Variants in HDAC9 observed in about 807,000 individuals in gnomAD.
HDAC9 encodes the protein MEF-2 interacting transcription repressor (MITR) protein.
HDAC9 carries 41 observed loss-of-function variants against 139.4 expected under a neutral mutation model. The ratio of observed to expected loss-of-function variants is 0.29; its 90% CI spans 0.23 to 0.38. The LOEUF is 0.38. Ranked by LOEUF, HDAC9 falls within the 10% of genes least tolerant of loss-of-function variation. The pLI, the probability that HDAC9 is intolerant of heterozygous loss-of-function variation, is 1.00. For synonymous variants in HDAC9, 517 were observed against 476.2 expected (o/e 1.09, Z -1.12); for missense variants, 1,147 against 1,297.0 (o/e 0.88, Z 1.78).
At chr7:18,323,582 G>A (rs1447571288) in intron 1 of HDAC9, among the ~76,000 whole-genome samples, 1 of 152,178 alleles carries the variant, frequency 6.6e-6, no homozygotes, top group East Asian at 1.9e-4. Context: ...ATCCCTGGAA[G>A]TGGAGCCTAG....
intron 1 of HDAC9, among the ~76,000 whole-genome samples, chr7:18,386,764 G>C (rs971552294): frequency 6.6e-6 from 1 of 152,158 alleles, no homozygotes; most frequent in African/African-American, 2.4e-5. Context: ...CTCGTATTCA[G>C]TCCTCAGAGA....
chr7:18,775,455 A>G (rs769554059), intron 16 of HDAC9, among the ~76,000 whole-genome samples: 18 of 152,084 alleles, frequency 1.2e-4, no homozygotes, highest in Non-Finnish European at 2.4e-4. Context: ...GCACTTCTCA[A>G]AATGACTTGT....
intron 1 of HDAC9, among the ~76,000 whole-genome samples, chr7:18,129,809 A>T (rs1003300526): frequency 2.6e-5 from 4 of 152,184 alleles, no homozygotes; most frequent in African/African-American, 9.6e-5. Context: ...ATGGAGGAGA[A>T]GGCAATAAAA....
intron 1 of HDAC9, among the ~76,000 whole-genome samples, chr7:18,105,854 C>G (rs1783163885): frequency 6.6e-6 from 1 of 152,098 alleles, no homozygotes; most frequent in African/African-American, 2.4e-5. Context: ...AATAGATAAA[C>G]AAAATGTGGT....
At chr7:18,671,470 G>C (rs1795673382) in intron 12 of HDAC9, among the ~76,000 whole-genome samples, 1 of 151,968 alleles carries the variant, frequency 6.6e-6, no homozygotes, top group African/African-American at 2.4e-5. Context: ...ATTTTTAATA[G>C]CTTTTACCTA....
At chr7:18,222,655 C>T (rs1020007370) in intron 2 of HDAC9, among the ~76,000 whole-genome samples, 12 of 152,078 alleles carry the variant, frequency 7.9e-5, no homozygotes, top group African/African-American at 2.7e-4. Flanking sequence ...ATGTAAACCT[C>T]TATTGCTGTC....
rs74504531 is a variant in HDAC9, at chr7:18,366,288, A to G, written c.-42+75773A>G. 0.013 allele frequency among the ~76,000 whole-genome samples: 2,040 copies of G among 152,230 alleles called. 113 individuals carry two copies. In the East Asian group the frequency reaches 0.18, roughly 13 times the overall value. ...CATGGAAGTGGAGGTTCTGTCACAA[A>G]CAGGGTCAGTTATTACTTGGCAGTA... On this transcript the variant is annotated intron_variant, in intron 1 of 3. Transcript: ENST00000413509.
chr7:18,907,772 G>A (rs973458149), intron 22 of HDAC9, among the ~76,000 whole-genome samples: 6 of 152,168 alleles, frequency 3.9e-5, no homozygotes, highest in Non-Finnish European at 7.4e-5. Context: ...CTTTACTTTT[G>A]TTAGGGTAGT....
chr7:18,838,435 G>T lies in HDAC9; in HGVS notation c.2684+2438G>T, dbSNP rs117571425. Among the ~76,000 whole-genome samples the T allele has an allele frequency of 9.8e-3, 1,488 of 152,114 alleles. 13 individuals are homozygous for T. The highest frequency in any genetic ancestry group is 0.015 in the Non-Finnish European group (1,044 of 67,948). ...AGTCGGGGGTATTCATACTGACTGG[G>T]CAGAGAGAGTGAACTGTGAAATGCA... On this transcript the variant is annotated intron_variant, in intron 21 of 25. Coordinates refer to ENST00000686413, the MANE Select transcript of HDAC9 (RefSeq NM_178425.4).
At chr7:18,193,611 A>C (rs1790516442) in intron 2 of HDAC9, among the ~76,000 whole-genome samples, 1 of 152,222 alleles carries the variant, frequency 6.6e-6, no homozygotes, top group African/African-American at 2.4e-5. Flanking sequence ...CCTTTCACTC[A>C]TTAGGAAGTC....
intron 12 of HDAC9, among the ~76,000 whole-genome samples, chr7:18,690,809 C>CT (rs1782620975): frequency 6.6e-6 from 1 of 151,764 alleles, no homozygotes; most frequent in Admixed American, 6.6e-5. Flanking sequence ...GGCATTATGC[C>CT]TTTTTTCTGT....
intron 2 of HDAC9, among the ~76,000 whole-genome samples, chr7:18,177,632 C>T (rs1380683979): frequency 6.6e-6 from 1 of 152,164 alleles, no homozygotes; most frequent in African/African-American, 2.4e-5. Context: ...CTGGGTGACG[C>T]TGACATTTGT....
At chr7:18,688,814 C>T (rs1243794967) in intron 12 of HDAC9, among the ~76,000 whole-genome samples, 1 of 151,804 alleles carries the variant, frequency 6.6e-6, no homozygotes, top group Non-Finnish European at 1.5e-5. Context: ...ATGACAAGGA[C>T]CCTAATGGTT....
Position 18,996,119 on chromosome 7 carries a change from C to A in HDAC9, c.*57C>A, listed in dbSNP as rs1786446614. Reference sequence around the variant, plus strand: ...TGTGACATCATTGTGTATCCCCCCACCCCAGTACCCTCAGACATGTCTTGT... The same window carrying A: ...TGTGACATCATTGTGTATCCCCCCAACCCAGTACCCTCAGACATGTCTTGT... On this transcript the variant is annotated 3_prime_UTR_variant, in exon 26 of 26. Coordinates refer to ENST00000686413, the MANE Select transcript of HDAC9 (RefSeq NM_178425.4). 2.3e-5 allele frequency: 29 copies of A among 1,288,214 alleles called. No individual in the cohort carries two copies. The South Asian group carries it at 3.7e-4, about 16-fold the overall frequency. 79.8% of individuals were successfully genotyped at this position (1,288,214 alleles called of 1,614,324 possible). A position where few individuals can be genotyped will look rare whatever the true frequency, so the allele number is the denominator to read the frequency against.
chr7:18,251,434 T>C (rs902290060), intron 2 of HDAC9, among the ~76,000 whole-genome samples: 2 of 152,008 alleles, frequency 1.3e-5, no homozygotes, highest in African/African-American at 4.8e-5. Context: ...GGCAATGAGA[T>C]GATCTGTGCA....
rs2285436 is a variant in HDAC9, at chr7:18,639,103, G to C, written c.912+4361G>C. Reference sequence around the variant, plus strand: ...ATTTTTTAAAATAAATTTTCCAGCAGATACAAATGCTTTTAAAAAAGGATT... The same window carrying C: ...ATTTTTTAAAATAAATTTTCCAGCACATACAAATGCTTTTAAAAAAGGATT... On this transcript the variant is annotated intron_variant, in intron 8 of 25. Coordinates refer to ENST00000686413, the MANE Select transcript of HDAC9 (RefSeq NM_178425.4). Among the ~76,000 whole-genome samples, 235 of 152,172 alleles carry C rather than the reference G, an allele frequency of 1.5e-3. 4 individuals carry two copies. In the East Asian group the frequency reaches 0.041, roughly 27 times the overall value.
intron 2 of HDAC9, among the ~76,000 whole-genome samples, chr7:18,229,593 G>A (rs1793313738): frequency 6.6e-6 from 1 of 152,184 alleles, no homozygotes; most frequent in South Asian, 2.1e-4. Flanking sequence ...TGGCAAAGAT[G>A]TCTTTCAACT....
chr7:18,978,386 T>C (rs2240279), intron 25 of HDAC9, among the ~76,000 whole-genome samples: 61,297 of 151,948 alleles, frequency 0.4, 12,861 homozygotes, highest in African/African-American at 0.51. Context: ...TTGTTCGTTT[T>C]TCTTGGATGG....
chr7:18,263,682 C>T (rs1387638855), intron 2 of HDAC9, among the ~76,000 whole-genome samples: 4 of 151,386 alleles, frequency 2.6e-5, no homozygotes, highest in African/African-American at 7.3e-5. Flanking sequence ...GATCTCAGCT[C>T]ACTGCAACCT....
Sources: gnomAD v4.1 joint callset for allele counts (sites outside exome capture counted in the v4.1 genomes callset) on GRCh38, gnomAD v4.1.1 for gene constraint, MANE v1.5 for transcripts, NCBI Gene and HGNC (gene_info 2026-07-23, HGNC 2026-07-21) for gene names.